Variants in COTL1 observed in about 807,000 individuals in gnomAD.
The protein encoded by COTL1 is coactosin like F-actin binding protein 1.
Under a neutral mutation model 16.5 loss-of-function variants are expected in COTL1, and 15 were observed. That is an observed-to-expected ratio of 0.91 (90% CI 0.61 to 1.40). COTL1 has a LOEUF of 1.40. Among genes scored for constraint, COTL1 ranks in the 40% most tolerant of loss-of-function variants. COTL1 has a pLI of 0.00. For synonymous variants in COTL1, 112 were observed against 85.3 expected (o/e 1.31, Z -1.73); for missense variants, 220 against 201.5 (o/e 1.09, Z -0.56).
chr16:84,573,852 C>A (rs1287551513), intron 3 of COTL1, among the ~76,000 whole-genome samples: 1 of 151,822 alleles, frequency 6.6e-6, no homozygotes, highest in African/African-American at 2.4e-5. Flanking sequence ...TGTGTTTCAG[C>A]TGAACAAAAT....
At chr16:84,581,784 C>A (rs538475545) in intron 3 of COTL1, among the ~76,000 whole-genome samples, 1 of 152,208 alleles carries the variant, frequency 6.6e-6, no homozygotes, top group African/African-American at 2.4e-5. Flanking sequence ...GGATTACAGG[C>A]ATGAGCCACT....
intron 2 of COTL1, among the ~76,000 whole-genome samples, chr16:84,593,701 C>T (rs1425357372): frequency 1.3e-5 from 2 of 152,024 alleles, no homozygotes; most frequent in Non-Finnish European, 2.9e-5. Context: ...TTAGTAGAGA[C>T]GGGGTTTCAC....
chr16:84,586,306 C>T (rs1479185080), intron 3 of COTL1, among the ~76,000 whole-genome samples: 3 of 152,224 alleles, frequency 2.0e-5, no homozygotes, highest in African/African-American at 7.2e-5. Flanking sequence ...CTTACTTGAG[C>T]TTGCAAACGT....
At chr16:84,606,588 G>C (rs2150695304) in intron 2 of COTL1, among the ~76,000 whole-genome samples, 2 of 152,306 alleles carry the variant, frequency 1.3e-5, no homozygotes, top group South Asian at 4.1e-4. Flanking sequence ...TTGACTCCTT[G>C]TCACCTTCTC....
intron 3 of COTL1, among the ~76,000 whole-genome samples, chr16:84,579,358 T>C (rs745978676): frequency 6.6e-6 from 1 of 152,170 alleles, no homozygotes; most frequent in Non-Finnish European, 1.5e-5. Context: ...TGTGTTGGCA[T>C]ACACCTGTAG....
intron 3 of COTL1, among the ~76,000 whole-genome samples, chr16:84,571,617 A>C (rs1904338104): frequency 6.6e-6 from 1 of 152,078 alleles, no homozygotes; most frequent in Non-Finnish European, 1.5e-5. Context: ...AGTGACTCCT[A>C]GCACCTTCCA....
intron 2 of COTL1, among the ~76,000 whole-genome samples, chr16:84,610,310 T>C (rs377008636): frequency 6.6e-5 from 10 of 152,268 alleles, no homozygotes; most frequent in African/African-American, 2.4e-4. Context: ...ATTACTTGGC[T>C]CATGAAAGTG....
intron 3 of COTL1, among the ~76,000 whole-genome samples, chr16:84,584,485 A>C (rs1364147162): frequency 6.6e-6 from 1 of 152,184 alleles, no homozygotes; most frequent in Non-Finnish European, 1.5e-5. Context: ...CCATATGCTG[A>C]TGCACCTGTG....
chr16:84,601,420 G>C (rs1173797539), intron 2 of COTL1, among the ~76,000 whole-genome samples: 1 of 152,194 alleles, frequency 6.6e-6, no homozygotes, highest in Non-Finnish European at 1.5e-5. Context: ...CTGTGACCAG[G>C]ACTGGCTTTG....
At chr16:84,583,601 C>A (rs1904650432) in intron 3 of COTL1, among the ~76,000 whole-genome samples, 1 of 152,030 alleles carries the variant, frequency 6.6e-6, no homozygotes, top group African/African-American at 2.4e-5. Flanking sequence ...GGACAACAGG[C>A]ATGCGACACC....
intron 2 of COTL1, among the ~76,000 whole-genome samples, chr16:84,613,636 A>G (rs927950996): frequency 1.3e-5 from 2 of 152,212 alleles, no homozygotes; most frequent in Non-Finnish European, 2.9e-5. Flanking sequence ...TGTACTGTAG[A>G]AAGAATTACC....
chr16:84,582,345 T>C (rs993296059), intron 3 of COTL1, among the ~76,000 whole-genome samples: 2 of 152,180 alleles, frequency 1.3e-5, no homozygotes, highest in Non-Finnish European at 2.9e-5. Context: ...AGTCTCACAA[T>C]GTTGCCCAGG....
Position 84,566,884 on chromosome 16 carries a change from C to G in COTL1, c.390G>C (p.Lys130Asn). 6.2e-7 allele frequency: 1 copy of G among 1,614,080 alleles called. No homozygotes were observed. The highest frequency in any genetic ancestry group is 8.5e-7 in the Non-Finnish European group (1 of 1,179,970). ...CGTCGTAATTGGCTCCCCCCGCCTT[C>G]TTCAGCTCGCTCTTGATGAAATCTT... ...LEEDFIKSEL[K>N]KAGGANYDAQ... Residue 130 changes from lysine (K) to asparagine (N), a missense_variant, in exon 4 of 4, where the codon AAG (lysine) becomes AAC (asparagine). Lys to Asn is a moderately conservative substitution (Grantham distance 94, BLOSUM62 0). Transcript: ENST00000262428.
At chr16:84,576,643 C>A (rs894738912) in intron 3 of COTL1, 1 of 152,196 alleles carries the variant, frequency 6.6e-6, no homozygotes, top group African/African-American at 2.4e-5. Flanking sequence ...GAAGGCTGGA[C>A]AACAGGGTCC....
chr16:84,570,175 C>T (rs1163476867), intron 3 of COTL1, among the ~76,000 whole-genome samples: 1 of 152,170 alleles, frequency 6.6e-6, no homozygotes, highest in East Asian at 1.9e-4. Flanking sequence ...ACTCAGGAGG[C>T]TAAGGCAGGA....
At position 84,599,512 on chromosome 16, in the gene COTL1, G is replaced by T. The variant is rs1459173034; in HGVS notation, c.161-9250C>A. ...CTACTTTCACATCTGTCTGGGTCTT[G>T]TTATGGCCCCAGCACTGATCACCAT... On this transcript the variant is annotated intron_variant, in intron 2 of 3. Transcript: ENST00000262428. Among the ~76,000 whole-genome samples the T allele has an allele frequency of 2.6e-5, 4 of 152,312 alleles. No homozygotes were observed. In the East Asian group the frequency reaches 7.7e-4, roughly 29 times the overall value.
At chr16:84,582,736 TTTC>T (rs1352025052) in intron 3 of COTL1, among the ~76,000 whole-genome samples, 1 of 152,136 alleles carries the variant, frequency 6.6e-6, no homozygotes, top group African/African-American at 2.4e-5. Flanking sequence ...ACCTACTGCT[TTTC>T]TTTAATCATT....
intron 2 of COTL1, among the ~76,000 whole-genome samples, chr16:84,608,739 CTACAAAAGA>C (rs1905261001): frequency 6.6e-6 from 1 of 152,128 alleles, no homozygotes; most frequent in African/African-American, 2.4e-5. Flanking sequence ...AACCCTGTCT[CTACAAAAGA>C]TACAAAAATG....
intron 3 of COTL1, among the ~76,000 whole-genome samples, chr16:84,574,526 G>C (rs1210551536): frequency 5.3e-5 from 8 of 152,248 alleles, no homozygotes; most frequent in Admixed American, 5.2e-4. Context: ...CTCACTCCAA[G>C]CGGCTGAAGC....
Sources: allele counts gnomAD v4.1 joint callset (sites outside exome capture counted in the v4.1 genomes callset), GRCh38; gene constraint gnomAD v4.1.1; transcripts MANE v1.5; gene names NCBI Gene and HGNC (gene_info 2026-07-23, HGNC 2026-07-21).